Variants in CTNND2 observed in about 807,000 individuals in gnomAD.
CTNND2 encodes catenin delta-2.
In CTNND2, 22 loss-of-function variants were observed where a neutral mutation model predicts 144.4. The ratio of observed to expected loss-of-function variants is 0.15; its 90% confidence interval spans 0.11 to 0.22. The LOEUF (loss-of-function observed/expected upper bound fraction) is 0.22. CTNND2 is among the 10% of genes least tolerant of loss of function. CTNND2 has a pLI of 1.00. For missense variants in CTNND2, 1,353 were observed against 1,618.8 expected, an observed-to-expected ratio of 0.84 and a Z score of 2.82; for synonymous variants, 751 against 695.6, an observed-to-expected ratio of 1.08 and a Z score of -1.25.
At chr5:11,326,270 C>A (rs549664057) in intron 9 of CTNND2, among the ~76,000 whole-genome samples, 46 of 152,260 alleles carry the variant, frequency 3.0e-4, no homozygotes, top group African/African-American at 1.1e-3. Flanking sequence ...GTCAACGAAT[C>A]TATTTCTATC....
rs149117431 is a variant in CTNND2, at chr5:11,266,136, G to A, written c.1629-29313C>T. On this transcript the variant is annotated intron_variant, in intron 9 of 21. Transcript: ENST00000304623. ...GTTGACAAAATAAAATAACTTTTTC[G>A]TCACCTAACTACAGCATGATGTTGA... Among the ~76,000 whole-genome samples, 81 of 152,098 alleles carry A rather than the reference G, an allele frequency of 5.3e-4. 1 individual carries two copies. In the East Asian group the frequency reaches 0.01, roughly 19 times the overall value.
intron 1 of CTNND2, among the ~76,000 whole-genome samples, chr5:11,799,643 C>T (rs1252728689): frequency 2.6e-5 from 4 of 152,070 alleles, no homozygotes; most frequent in Non-Finnish European, 4.4e-5. Context: ...TGAAATATCC[C>T]CCCCTTGCTC....
At chr5:11,060,124 C>A (rs192982582) in intron 16 of CTNND2, among the ~76,000 whole-genome samples, 1 of 152,118 alleles carries the variant, frequency 6.6e-6, no homozygotes, top group Non-Finnish European at 1.5e-5. Context: ...AAGCCATGCA[C>A]ACAGCTGAAA....
rs1736557064 is a variant in CTNND2, at chr5:11,886,677, C to T, written c.37+17140G>A. On this transcript the variant is annotated intron_variant, in intron 1 of 21. Coordinates refer to ENST00000304623, the MANE Select transcript of CTNND2 (RefSeq NM_001332.4). The stretch of plus-strand genomic sequence containing the variant: ...TAGCAACCCTAACTATGTGTACTTT[C>T]TAAGAATTACACGGGTTGTGTAAAA... 2.6e-5 allele frequency among the ~76,000 whole-genome samples: 4 copies of T among 152,038 alleles called. No homozygotes were observed. The South Asian group carries it at 8.3e-4, about 32-fold the overall frequency.
chr5:11,498,749 G>C (rs1378945415), intron 3 of CTNND2, among the ~76,000 whole-genome samples: 1 of 151,996 alleles, frequency 6.6e-6, no homozygotes, highest in Non-Finnish European at 1.5e-5. Flanking sequence ...AATTCTTAAG[G>C]GTTTTTTTCC....
intron 2 of CTNND2, among the ~76,000 whole-genome samples, chr5:11,583,368 G>A (rs1461802988): frequency 6.6e-6 from 1 of 152,178 alleles, no homozygotes; most frequent in African/African-American, 2.4e-5. Context: ...CTAAGAACAG[G>A]CAGAAATCTA....
At chr5:11,667,376 C>G (rs1367767062) in intron 2 of CTNND2, among the ~76,000 whole-genome samples, 1 of 152,178 alleles carries the variant, frequency 6.6e-6, no homozygotes, top group Non-Finnish European at 1.5e-5. Context: ...AATTTACACT[C>G]CCAACAACAG....
intron 11 of CTNND2, among the ~76,000 whole-genome samples, chr5:11,164,622 C>A (rs928203501): frequency 9.2e-5 from 14 of 152,190 alleles, no homozygotes; most frequent in African/African-American, 2.7e-4. Flanking sequence ...CTTGAACACA[C>A]AAGCTCCTTT....
At chr5:11,508,259 A>G (rs959282070) in intron 3 of CTNND2, 9 of 152,228 alleles carry the variant, frequency 5.9e-5, no homozygotes, top group African/African-American at 2.2e-4. Flanking sequence ...TCTGTTTTGT[A>G]GTAACGGTTC....
At chr5:11,716,788 G>A (rs1308569519) in intron 2 of CTNND2, among the ~76,000 whole-genome samples, 1 of 152,060 alleles carries the variant, frequency 6.6e-6, no homozygotes, top group African/African-American at 2.4e-5. Context: ...CTATGTTCAA[G>A]CAATGCTCCT....
intron 9 of CTNND2, among the ~76,000 whole-genome samples, chr5:11,326,498 A>G (rs1752538782): frequency 6.6e-6 from 1 of 152,134 alleles, no homozygotes; most frequent in Non-Finnish European, 1.5e-5. Context: ...ACACCATCTC[A>G]GCCTGAAAGC....
intron 5 of CTNND2, among the ~76,000 whole-genome samples, chr5:11,405,588 AAGAG>A (rs976747359): frequency 7.9e-5 from 12 of 151,886 alleles, no homozygotes; most frequent in Non-Finnish European, 1.8e-4. Context: ...TAAAAAAAAA[AAGAG>A]AGAGAAATTA....
chr5:11,843,949 C>A (rs1228869438), intron 1 of CTNND2, among the ~76,000 whole-genome samples: 1 of 152,124 alleles, frequency 6.6e-6, no homozygotes, highest in African/African-American at 2.4e-5. Flanking sequence ...TATAAAATAT[C>A]AGTAGCCCAA....
At chr5:11,061,057 T>G (rs1227596855) in intron 16 of CTNND2, among the ~76,000 whole-genome samples, 2 of 152,196 alleles carry the variant, frequency 1.3e-5, no homozygotes, top group Non-Finnish European at 2.9e-5. Flanking sequence ...CATGTCCCCT[T>G]TCATGTCTCA....
chr5:11,621,921 C>A (rs534479435), intron 2 of CTNND2, among the ~76,000 whole-genome samples: 2 of 152,330 alleles, frequency 1.3e-5, no homozygotes, highest in South Asian at 4.1e-4. Context: ...TTGTCCCAAA[C>A]TCTTTGCATC....
At chr5:11,813,456 C>T (rs773566947) in intron 1 of CTNND2, among the ~76,000 whole-genome samples, 17 of 151,854 alleles carry the variant, frequency 1.1e-4, no homozygotes, top group Non-Finnish European at 2.4e-4. Flanking sequence ...TTTTTCATTT[C>T]GGAAGCCTGA....
chr5:11,439,830 T>C (rs1764112529), intron 3 of CTNND2, among the ~76,000 whole-genome samples: 1 of 151,972 alleles, frequency 6.6e-6, no homozygotes, highest in Non-Finnish European at 1.5e-5. Context: ...TATATGTGTA[T>C]GTATATATAT....
rs1786439090 is a variant in CTNND2, at chr5:11,717,817, C to T, written c.174+14319G>A. ...CATGGGAACAGTATGGGGGAAACTG[C>T]CCCCATGATTCAGTTATCTCCACCT... On this transcript the variant is annotated intron_variant, in intron 2 of 21. Coordinates refer to ENST00000304623, the MANE Select transcript of CTNND2 (RefSeq NM_001332.4). Among the ~76,000 whole-genome samples the T allele has an allele frequency of 2.0e-5, 3 of 152,026 alleles. No homozygotes were observed. In the South Asian group the frequency reaches 6.2e-4, roughly 32 times the overall value.
intron 12 of CTNND2, among the ~76,000 whole-genome samples, chr5:11,132,662 AGACT>A (rs1487807856): frequency 6.6e-5 from 10 of 152,214 alleles, no homozygotes; most frequent in African/African-American, 2.2e-4. Flanking sequence ...ATGGCAGGCC[AGACT>A]GACTAAGACA....
Sources: allele counts gnomAD v4.1 joint callset (sites outside exome capture counted in the v4.1 genomes callset), GRCh38; gene constraint gnomAD v4.1.1; transcripts MANE v1.5; gene names NCBI Gene and HGNC (gene_info 2026-07-23, HGNC 2026-07-21).